BOD1: variants seen among roughly 807,000 people sequenced by gnomAD.
BOD1 encodes the protein biorientation of chromosomes in cell division protein 1.
BOD1 carries 11 observed loss-of-function variants against 15.7 expected under a neutral mutation model. That is an observed-to-expected ratio of 0.70 (90% CI 0.44 to 1.16). BOD1 has a LOEUF of 1.16. Among genes scored for constraint, BOD1 ranks in the 50% most tolerant of loss-of-function variants. BOD1 has a pLI of 0.00. For missense variants in BOD1, 182 were observed against 244.5 expected (o/e 0.74, Z 1.70); for synonymous variants, 105 against 103.5 (o/e 1.01, Z -0.09).
rs150573630 is a variant in BOD1 at position 173,613,241 on chromosome 5, G to A, written c.252C>T (p.Asn84=). ...ADVDTKPAYQ[N]LRQKVDNFVS... ...CAAAATTATCCACTTTCTGCCTCAGGTTTTGGTAAGCTGGCTAAAATGTTA... is the reference window on the plus strand; with the variant it reads ...CAAAATTATCCACTTTCTGCCTCAGATTTTGGTAAGCTGGCTAAAATGTTA... Residue 84 remains asparagine, a synonymous_variant, in exon 2 of 4, where the codon AAC becomes AAT. Coordinates refer to ENST00000311086, the MANE Select transcript of BOD1 (RefSeq NM_138369.3). 1.2e-6 allele frequency: 2 copies of A among 1,614,040 alleles called. No homozygotes were observed. Among genetic ancestry groups the A allele is most frequent in the Admixed American group, 1.7e-5 (1 of 60,008 alleles).
In BOD1 at chr5:173,607,456, A is replaced by T. The variant is rs1279594164; in HGVS notation, c.*838T>A. The T allele has an allele frequency of 6.6e-6, 1 of 152,260 alleles. No individual in the cohort carries two copies. Among genetic ancestry groups the T allele is most frequent in the African/African-American group, 2.4e-5 (1 of 41,472 alleles). The allele number at this position is 152,260 out of a possible 1,614,324, so 9.4% of individuals were successfully genotyped here. ...TGCCAGTAGATCATGTGTGGTGCAC[A>T]GAGGCAGAAGACAAAGGTTGCCCTT... On this transcript the variant is annotated 3_prime_UTR_variant, in exon 4 of 4. Transcript: ENST00000311086.
At chr5:173,614,122 G>C (rs1755429422) in intron 1 of BOD1, among the ~76,000 whole-genome samples, 1 of 152,182 alleles carries the variant, frequency 6.6e-6, no homozygotes, top group South Asian at 2.1e-4. Flanking sequence ...AGAACGAATG[G>C]GGAATATCTG....
chr5:173,612,923 G>C (rs1755392531), intron 2 of BOD1, among the ~76,000 whole-genome samples: 1 of 152,150 alleles, frequency 6.6e-6, no homozygotes, highest in Admixed American at 6.5e-5. Context: ...GCACACAGGA[G>C]GCCTTCACAG....
At chr5:173,611,286 A>G (rs1755345018) in intron 2 of BOD1, among the ~76,000 whole-genome samples, 1 of 152,244 alleles carries the variant, frequency 6.6e-6, no homozygotes, top group African/African-American at 2.4e-5. Flanking sequence ...TAAACCCTCT[A>G]GGCTGTGGCA....
At chr5:173,613,107 A>G (rs1249463732) in intron 2 of BOD1, 24 bp downstream of exon 2, 1 of 1,610,380 alleles carries the variant, frequency 6.2e-7, no homozygotes, top group South Asian at 1.1e-5. Flanking sequence ...GCCTTTTCAA[A>G]AGCTTTAAAT....
chr5:173,616,119 C>T, intron 1 of BOD1, 81 bp downstream of exon 1: 1 of 1,514,164 alleles, frequency 6.6e-7, no homozygotes. Context: ...TTGTTTTGCT[C>T]TCGGCTTTCG....
At chr5:173,613,058 G>A (rs1196791731) in intron 2 of BOD1, 73 bp downstream of exon 2, 2 of 1,562,418 alleles carry the variant, frequency 1.3e-6, no homozygotes, top group East Asian at 2.3e-5. Context: ...TGACTAAACA[G>A]AGACCTCAAC....
At chr5:173,610,007 A>C (rs750554031) in intron 2 of BOD1, among the ~76,000 whole-genome samples, 4 of 152,338 alleles carry the variant, frequency 2.6e-5, no homozygotes, top group Non-Finnish European at 4.4e-5. Context: ...GAAGCAAACA[A>C]GAAATAGACA....
chr5:173,610,250 T>C (rs1421060618), intron 2 of BOD1, among the ~76,000 whole-genome samples: 33 of 152,182 alleles, frequency 2.2e-4, no homozygotes, highest in Admixed American at 2.2e-3. Context: ...CACAAGCATG[T>C]GGGCAGGTTT....
intron 1 of BOD1, among the ~76,000 whole-genome samples, chr5:173,615,537 G>C (rs1348268475): frequency 6.6e-6 from 1 of 152,166 alleles, no homozygotes; most frequent in African/African-American, 2.4e-5. Flanking sequence ...AGCAACTACT[G>C]TATGTCTGAT....
intron 2 of BOD1, 129 bp downstream of exon 2, chr5:173,613,002 C>T: frequency 8.3e-7 from 1 of 1,210,504 alleles, no homozygotes; most frequent in Non-Finnish European, 1.2e-6. Flanking sequence ...AAAGAGCAGA[C>T]TGCTGCAACT....
chr5:173,612,549 T>C (rs533533111), intron 2 of BOD1, among the ~76,000 whole-genome samples: 3 of 152,324 alleles, frequency 2.0e-5, no homozygotes, highest in Admixed American at 6.5e-5. Flanking sequence ...CAATCACTAA[T>C]GTGTTCTCCC....
Position 173,616,209 on chromosome 5 carries a change from C to A in BOD1, c.228G>T (p.Val76=). The change falls in exon 1 of 4, where the codon GTG becomes GTT. Residue 76 remains valine (V), a synonymous_variant. Transcript: ENST00000311086. ...AGGCGGCCGCAGCTACCTTGGTGTC[C>A]ACGTCGGCCAGGCAGTCCCGGCGGA... ...DSFRRDCLAD[V]DTKPAYQNLR... is the part of the protein sequence containing the mutation. 6.3e-7 allele frequency: 1 copy of A among 1,579,164 alleles called. No homozygotes were observed. The highest frequency in any genetic ancestry group is 8.6e-7 in the Non-Finnish European group (1 of 1,163,320).
intron 2 of BOD1, among the ~76,000 whole-genome samples, chr5:173,610,449 T>TC (rs1338714844): frequency 1.3e-5 from 2 of 152,144 alleles, no homozygotes; most frequent in African/African-American, 4.8e-5. Context: ...TGTAAAGTGC[T>TC]CCCTGGATTC....
intron 2 of BOD1, among the ~76,000 whole-genome samples, chr5:173,610,856 G>A (rs754306837): frequency 5.9e-5 from 9 of 152,152 alleles, no homozygotes; most frequent in Non-Finnish European, 8.8e-5. Flanking sequence ...CTCCGCGAAT[G>A]CAATTTATGC....
chr5:173,615,507 A>G (rs541632197), intron 1 of BOD1, among the ~76,000 whole-genome samples: 1 of 152,340 alleles, frequency 6.6e-6, no homozygotes, highest in East Asian at 1.9e-4. Flanking sequence ...AGTTTTGAAA[A>G]GGAAGAAAAT....
chr5:173,611,741 C>T (rs1339602589), intron 2 of BOD1, among the ~76,000 whole-genome samples: 2 of 152,226 alleles, frequency 1.3e-5, no homozygotes, highest in Admixed American at 6.5e-5. Flanking sequence ...TGCACTTTTC[C>T]GTATTACAAT....
chr5:173,609,022 C>T (rs1466184726), intron 3 of BOD1, among the ~76,000 whole-genome samples: 1 of 152,204 alleles, frequency 6.6e-6, no homozygotes, highest in East Asian at 1.9e-4. Context: ...CCATAGCTTA[C>T]ATGTTTAGCG....
Position 173,616,248 on chromosome 5 carries a change from G to C in BOD1, c.189C>G (p.Gly63=). The C allele has an allele frequency of 6.4e-7, 1 of 1,571,680 alleles. No homozygotes were observed. The highest frequency in any genetic ancestry group is 8.6e-7 in the Non-Finnish European group (1 of 1,159,608). ...AGTCCCGGCGGAAGCTGTCAAAAAG[G>C]CCCCGGCTCTTGAGCTGCTCCACGA... The part of the protein sequence containing the change: ...ALIVEQLKSR[G]LFDSFRRDCL... The change falls in exon 1 of 4, where the codon GGC becomes GGG. Residue 63 remains glycine (G), a synonymous_variant. Coordinates refer to ENST00000311086, the MANE Select transcript of BOD1 (RefSeq NM_138369.3).
Sources: allele counts gnomAD v4.1 joint callset (sites outside exome capture counted in the v4.1 genomes callset), GRCh38; gene constraint gnomAD v4.1.1; transcripts MANE v1.5; gene names NCBI Gene and HGNC (gene_info 2026-07-23, HGNC 2026-07-21).